The following ARID1B variants were observed in gnomAD, a reference collection of about 807,000 sequenced individuals.
The protein encoded by ARID1B is AT-rich interactive domain-containing protein 1B.
A neutral mutation model predicts 212.3 loss-of-function variants in ARID1B; 30 were observed. The observed-to-expected ratio is 0.14, with a 90% confidence interval of 0.11 to 0.19. The LOEUF is 0.19. Among genes scored for constraint, ARID1B ranks in the 10% least tolerant of loss-of-function variants. The pLI, the probability that ARID1B is intolerant of heterozygous loss-of-function variation, is 1.00. For missense variants in ARID1B, 2,891 were observed against 3,204.0 expected (o/e 0.90, Z 2.36); for synonymous variants, 1,402 against 1,301.7 (o/e 1.08, Z -1.66).
At chr6:156,961,895 ATCTCT>A (rs1269562168) in intron 4 of ARID1B, among the ~76,000 whole-genome samples, 3 of 152,170 alleles carry the variant, frequency 2.0e-5, no homozygotes, top group Admixed American at 2.0e-4. Flanking sequence ...GCCACTTCTA[ATCTCT>A]TCTAAGTCAA....
At chr6:156,998,771 G>T (rs1322772661) in intron 4 of ARID1B, among the ~76,000 whole-genome samples, 1 of 152,204 alleles carries the variant, frequency 6.6e-6, no homozygotes, top group Non-Finnish European at 1.5e-5. Flanking sequence ...ATAGTAGGGA[G>T]AAAATCAACA....
At chr6:157,024,125 C>A (rs1780500477) in intron 4 of ARID1B, 1 of 152,240 alleles carries the variant, frequency 6.6e-6, no homozygotes, top group African/African-American at 2.4e-5. Context: ...TGTCTTCCAA[C>A]ATTTTGCGTC....
rs192918656 is a variant in ARID1B at position 157,065,941 on chromosome 6, G to T, written c.2248-18721G>T. On this transcript the variant is annotated intron_variant, in intron 4 of 19. Transcript: ENST00000636930. ...CAAAATGAACACACTTGTGTAATCAGTACTTGGTTCAGAAACACCACCAGG... is the reference window on the plus strand; with the variant it reads ...CAAAATGAACACACTTGTGTAATCATTACTTGGTTCAGAAACACCACCAGG... Among the ~76,000 whole-genome samples, 8 of 152,272 alleles carry T rather than the reference G, an allele frequency of 5.3e-5. No individual in the cohort carries two copies. In the East Asian group the frequency reaches 1.3e-3, roughly 26 times the overall value.
Position 156,901,450 on chromosome 6 carries a change from G to C in ARID1B, c.2061G>C (p.Gln687His), listed in dbSNP as rs2128210867. The C allele has an allele frequency of 6.2e-7, 1 of 1,614,102 alleles. No individual in the cohort carries two copies. Among genetic ancestry groups the C allele is most frequent in the Non-Finnish European group, 8.5e-7 (1 of 1,180,034 alleles). ...GCCAACAGCCATATTACAGCCAGCAGCCGCAGCCCCCGCACCTCCCACCCC... is the reference window on the plus strand; with the variant it reads ...GCCAACAGCCATATTACAGCCAGCACCCGCAGCCCCCGCACCTCCCACCCC... The part of the protein sequence containing the change: ...QQGQQPYYSQ[Q>H]PQPPHLPPQA... The change falls in exon 3 of 20, where the codon CAG (glutamine) becomes CAC (histidine). Residue 687 changes from glutamine (Q) to histidine (H), a missense_variant. By Grantham distance (24) the Gln-to-His change is conservative. Coordinates refer to ENST00000636930, the MANE Select transcript of ARID1B (RefSeq NM_001374828.1).
intron 4 of ARID1B, among the ~76,000 whole-genome samples, chr6:156,970,979 G>T (rs933094316): frequency 1.3e-5 from 2 of 152,208 alleles, no homozygotes. Context: ...TTCTGCAGCC[G>T]GTGGAGCCCT....
intron 4 of ARID1B, among the ~76,000 whole-genome samples, chr6:157,028,455 A>C (rs1780807520): frequency 6.6e-6 from 1 of 152,248 alleles, no homozygotes; most frequent in Non-Finnish European, 1.5e-5. Context: ...CTAAAGGGAA[A>C]GCATTGCTTT....
At chr6:157,133,300 T>G in intron 7 of ARID1B, 93 bp downstream of exon 7, 1 of 1,344,986 alleles carries the variant, frequency 7.4e-7, no homozygotes, top group Non-Finnish European at 9.9e-7. Flanking sequence ...TGTAAACATA[T>G]CGTAAGATCC....
chr6:157,178,483 C>T (rs1207311569), intron 11 of ARID1B, among the ~76,000 whole-genome samples: 2 of 152,198 alleles, frequency 1.3e-5, no homozygotes, highest in African/African-American at 4.8e-5. Context: ...AGTGGTGAAA[C>T]TGAGGCCCTG....
rs555318683 is a variant in ARID1B at position 157,193,881 on chromosome 6, A to G, written c.4232-2284A>G. ...GAGATGCACTTCTTTGGGGGTTGCC[A>G]AAGCACAGCCTCCCATAGCAGGTAA... On this transcript the variant is annotated intron_variant, in intron 15 of 19. Transcript: ENST00000636930. 4 of 152,364 alleles carry G rather than the reference A, an allele frequency of 2.6e-5. No individual in the cohort carries two copies. In the South Asian group the frequency reaches 8.3e-4, roughly 32 times the overall value. 9.4% of individuals were successfully genotyped at this position (152,364 alleles called of 1,614,324 possible). A position where few individuals can be genotyped will look rare whatever the true frequency, so the allele number is the denominator to read the frequency against.
chr6:156,791,758 A>G (rs531302776), intron 1 of ARID1B, among the ~76,000 whole-genome samples: 11 of 152,306 alleles, frequency 7.2e-5, no homozygotes, highest in Admixed American at 2.0e-4. Flanking sequence ...TCTGTTCACA[A>G]TGTGCTGATG....
intron 4 of ARID1B, chr6:156,976,545 C>A (rs1417190984): frequency 9.7e-6 from 2 of 206,274 alleles, no homozygotes; most frequent in Non-Finnish European, 1.9e-5. Context: ...AAAAAAGAAC[C>A]ACTCTCAGTG....
At chr6:156,931,830 C>T (rs1448934126) in intron 3 of ARID1B, among the ~76,000 whole-genome samples, 10 of 151,680 alleles carry the variant, frequency 6.6e-5, no homozygotes, top group African/African-American at 1.9e-4. Context: ...GGCATGGTGG[C>T]GCATGCCTGT....
chr6:156,837,941 A>G (rs1210880750), intron 2 of ARID1B, among the ~76,000 whole-genome samples: 1 of 152,182 alleles, frequency 6.6e-6, no homozygotes, highest in East Asian at 1.9e-4. Flanking sequence ...GTATAACACA[A>G]ACATCCCTTG....
In ARID1B at chr6:157,042,972, T is replaced by G. The variant is rs1451055642; in HGVS notation, c.2248-41690T>G. Among the ~76,000 whole-genome samples, 3 of 152,194 alleles carry G rather than the reference T, an allele frequency of 2.0e-5. 1 individual carries two copies. In the East Asian group the frequency reaches 5.8e-4, roughly 29 times the overall value. The stretch of plus-strand genomic sequence containing the variant: ...CACCGCACAAAGGCTACACTTAACT[T>G]TAATCCTCTTTGGTGATAATTTTTA... On this transcript the variant is annotated intron_variant, in intron 4 of 19. Transcript: ENST00000636930.
intron 13 of ARID1B, chr6:157,186,545 G>A (rs753871288): frequency 4.0e-5 from 19 of 471,078 alleles, no homozygotes; most frequent in Middle Eastern, 3.2e-4. Flanking sequence ...TGGCCTCTCC[G>A]ATTCCAGTCC....
intron 4 of ARID1B, among the ~76,000 whole-genome samples, chr6:157,028,510 T>C (rs1780810399): frequency 6.6e-6 from 1 of 152,200 alleles, no homozygotes. Flanking sequence ...TACATACACA[T>C]GTGTTGCATT....
At position 156,871,652 on chromosome 6, in the gene ARID1B, G is replaced by T. The variant is rs1185557745; in HGVS notation, c.1987-29724G>T. ...CCACATGGAAAGAAACATTCTGGTT[G>T]GCAAGTATCTTCTTACATGCTCTTA... On this transcript the variant is annotated intron_variant, in intron 2 of 19. Coordinates refer to ENST00000636930, the MANE Select transcript of ARID1B (RefSeq NM_001374828.1). The T allele has an allele frequency of 1.2e-6, 2 of 1,612,204 alleles. No individual in the cohort carries two copies. Among genetic ancestry groups the T allele is most frequent in the East Asian group, 2.2e-5 (1 of 44,880 alleles).
chr6:157,095,190 T>C (rs1205337106), intron 5 of ARID1B, among the ~76,000 whole-genome samples: 1 of 152,160 alleles, frequency 6.6e-6, no homozygotes, highest in Non-Finnish European at 1.5e-5. Context: ...TAATTTCTAG[T>C]TCTGCTGAAG....
intron 2 of ARID1B, among the ~76,000 whole-genome samples, chr6:156,846,063 C>G (rs115830732): frequency 3.2e-3 from 489 of 152,244 alleles, no homozygotes; most frequent in African/African-American, 0.011. Context: ...TGTTGGGATT[C>G]TTTTTGAAGG....
Sources: allele counts gnomAD v4.1 joint callset (sites outside exome capture counted in the v4.1 genomes callset), GRCh38; gene constraint gnomAD v4.1.1; transcripts MANE v1.5; gene names NCBI Gene and HGNC (gene_info 2026-07-23, HGNC 2026-07-21).